The following ZAR1 variants were observed in gnomAD, a reference collection of about 807,000 sequenced individuals.
The protein encoded by ZAR1 is zygote arrest 1.
A neutral mutation model predicts 38.3 loss-of-function variants in ZAR1; 37 were observed. That is an observed-to-expected ratio of 0.97 (90% confidence interval 0.74 to 1.27). The LOEUF (loss-of-function observed/expected upper bound fraction) is 1.27. Ranked by LOEUF, ZAR1 falls within the 50% of genes most tolerant of loss-of-function variation. ZAR1 has a pLI of 0.00. For missense variants in ZAR1, 651 were observed against 632.4 expected (o/e 1.03, Z -0.32); for synonymous variants, 336 against 292.0 (o/e 1.15, Z -1.53).
Position 48,490,627 on chromosome 4 carries a change from G to T in ZAR1, c.336G>T (p.Pro112=). The change falls in exon 1 of 4, where the codon CCG becomes CCT. Residue 112 remains proline (P), a synonymous_variant. Transcript: ENST00000327939. ...GSCDVAVQVS[P]RIDAAVQCSL... ...GCGACGTGGCGGTGCAGGTGAGCCCGCGCATCGACGCCGCGGTACAGTGCT... is the reference window on the plus strand; with the variant it reads ...GCGACGTGGCGGTGCAGGTGAGCCCTCGCATCGACGCCGCGGTACAGTGCT... 2 of 1,358,098 alleles carry T rather than the reference G, an allele frequency of 1.5e-6. No individual in the cohort carries two copies. The highest frequency in any genetic ancestry group is 1.9e-6 in the Non-Finnish European group (2 of 1,065,192). The allele number at this position is 1,358,098 out of a possible 1,614,324, so 84.1% of individuals were successfully genotyped here. A position where few individuals can be genotyped will look rare whatever the true frequency, so the allele number is the denominator to read the frequency against.
At position 48,491,139 on chromosome 4, in the gene ZAR1, A is replaced by G. The variant is rs1718427094; in HGVS notation, c.848A>G (p.Gln283Arg). Reference protein sequence around the residue: ...APRSALRSPGQPPSAGRARDG... With the variant: ...APRSALRSPGRPPSAGRARDG... ...CGGTCGGCGCTAAGGAGCCCGGGGC[A>G]ACCTCCGTCGGCGGGGAGGGCCCGA... The change falls in exon 1 of 4, where the codon CAA (glutamine) becomes CGA (arginine). Residue 283 changes from glutamine to arginine, a missense_variant. Around this residue, in one of 2 missense-constraint regions of ZAR1, gnomAD observed 522 missense variants for 459.9 expected, o/e 1.14. Coordinates refer to ENST00000327939, the MANE Select transcript of ZAR1 (RefSeq NM_175619.3). The G allele has an allele frequency of 8.0e-7, 1 of 1,242,404 alleles. No individual in the cohort carries two copies. 77.0% of individuals were successfully genotyped at this position (1,242,404 alleles called of 1,614,324 possible).
chr4:48,490,944 C>CGCG lies in ZAR1; in HGVS notation c.656_658dup (p.Arg219dup). The CGCG allele has an allele frequency of 7.5e-7, 1 of 1,341,172 alleles. No individual in the cohort carries two copies. Among genetic ancestry groups the CGCG allele is most frequent in the Non-Finnish European group, 9.5e-7 (1 of 1,050,896 alleles). The allele number at this position is 1,341,172 out of a possible 1,614,324, so 83.1% of individuals were successfully genotyped here. A position where few individuals can be genotyped will look rare whatever the true frequency, so the allele number is the denominator to read the frequency against. ...GACGGAGAGAGGGGGCCGCCGCCCG[C>CGCG]GCGGCTTCAAGGCCCAGAGGAGGGG... is the stretch of plus-strand genomic sequence containing the variant. On this transcript the variant is annotated inframe_insertion, in exon 1 of 4. Coordinates refer to ENST00000327939, the MANE Select transcript of ZAR1 (RefSeq NM_175619.3).
chr4:48,493,127 CT>C, intron 3 of ZAR1, 115 bp downstream of exon 3: 1 of 898,230 alleles, frequency 1.1e-6, no homozygotes, highest in South Asian at 1.6e-5. Flanking sequence ...TTTCAACTGG[CT>C]TTTGTTAGGA....
Position 48,494,378 on chromosome 4 carries a change from A to AT in ZAR1, c.*136dup. On this transcript the variant is annotated 3_prime_UTR_variant, in exon 4 of 4. Transcript: ENST00000327939. Reference sequence around the variant, plus strand: ...TCTGAAAAAGCCTTCAAATAAAGGTATTGCAACACGATTTATACATTGCAT... The same window carrying AT: ...TCTGAAAAAGCCTTCAAATAAAGGTATTTGCAACACGATTTATACATTGCAT... The AT allele has an allele frequency of 8.8e-7, 1 of 1,135,766 alleles. No individual in the cohort carries two copies. The highest frequency in any genetic ancestry group is 1.3e-6 in the Non-Finnish European group (1 of 789,940). The allele number at this position is 1,135,766 out of a possible 1,614,324, so 70.4% of individuals were successfully genotyped here. A position where few individuals can be genotyped will look rare whatever the true frequency, so the allele number is the denominator to read the frequency against.
At chr4:48,495,647 A>G (rs1718569434), downstream of ZAR1, among the ~76,000 whole-genome samples, 1 of 152,210 alleles carries the variant, frequency 6.6e-6, no homozygotes, top group African/African-American at 2.4e-5. Flanking sequence ...TTTTATATAA[A>G]TGTAAAACTG....
chr4:48,494,985 A>G (rs1327978782), downstream of ZAR1, among the ~76,000 whole-genome samples: 1 of 151,718 alleles, frequency 6.6e-6, no homozygotes, highest in Non-Finnish European at 1.5e-5. Flanking sequence ...ACACTGAATA[A>G]CCTATCAAGT....
Position 48,490,607 on chromosome 4 carries a change from G to T in ZAR1, c.316G>T (p.Val106Leu). Residue 106 changes from valine (V) to leucine (L), a missense_variant, in exon 1 of 4, where the codon GTG becomes TTG. Physicochemically the swap from Val to Leu is conservative, Grantham distance 32 (BLOSUM62 1). This residue lies in a region of ZAR1 where 522 missense variants were observed against 459.9 expected (regional missense o/e 1.14). Transcript: ENST00000327939. ...CGCCCGCAGGGCCGGCAGCTGCGAC[G>T]TGGCGGTGCAGGTGAGCCCGCGCAT... ...PRARRAGSCD[V>L]AVQVSPRIDA... 7.3e-7 allele frequency: 1 copy of T among 1,376,070 alleles called. No homozygotes were observed. Among genetic ancestry groups the T allele is most frequent in the Non-Finnish European group, 9.3e-7 (1 of 1,075,640 alleles). The allele number at this position is 1,376,070 out of a possible 1,614,324, so 85.2% of individuals were successfully genotyped here.
downstream of ZAR1, among the ~76,000 whole-genome samples, chr4:48,494,819 G>A (rs1418175782): frequency 6.6e-6 from 1 of 152,116 alleles, no homozygotes; most frequent in African/African-American, 2.4e-5. Context: ...GCGGTGATGG[G>A]GTAGGTAAAG....
At chr4:48,494,939 G>A (rs1718545239), downstream of ZAR1, among the ~76,000 whole-genome samples, 1 of 152,188 alleles carries the variant, frequency 6.6e-6, no homozygotes, top group Non-Finnish European at 1.5e-5. Flanking sequence ...GTGGGGCTTG[G>A]AACAGGGTGG....
chr4:48,490,707 G>T lies in ZAR1; in HGVS notation c.416G>T (p.Gly139Val), dbSNP rs763874668. The T allele has an allele frequency of 3.0e-6, 4 of 1,333,720 alleles. No individual in the cohort carries two copies. The highest frequency in any genetic ancestry group is 6.3e-5 in the East Asian group (2 of 31,988). The allele number at this position is 1,333,720 out of a possible 1,614,324, so 82.6% of individuals were successfully genotyped here. A position where few individuals can be genotyped will look rare whatever the true frequency, so the allele number is the denominator to read the frequency against. ...GCCCGCGACCCCGAGTCCCCGGCCGGCCCCGGGGCCGAGGGCACCACGGGT... is the reference window on the plus strand; with the variant it reads ...GCCCGCGACCCCGAGTCCCCGGCCGTCCCCGGGGCCGAGGGCACCACGGGT... ...RRARDPESPA[G>V]PGAEGTTGGG... The change falls in exon 1 of 4, where the codon GGC (glycine) becomes GTC (valine). Residue 139 changes from glycine to valine, a missense_variant. By Grantham distance (109) the Gly-to-Val change is moderately radical. This residue lies in a region of ZAR1 where 522 missense variants were observed against 459.9 expected (regional missense o/e 1.14). Coordinates refer to ENST00000327939, the MANE Select transcript of ZAR1 (RefSeq NM_175619.3).
At chr4:48,495,200 T>C (rs1718552755), downstream of ZAR1, among the ~76,000 whole-genome samples, 1 of 152,180 alleles carries the variant, frequency 6.6e-6, no homozygotes, top group African/African-American at 2.4e-5. Context: ...TGTTCCTAGT[T>C]GAGGATGGGA....
chr4:48,495,168 C>T (rs1718551594), downstream of ZAR1, among the ~76,000 whole-genome samples: 1 of 152,150 alleles, frequency 6.6e-6, no homozygotes, highest in Non-Finnish European at 1.5e-5. Context: ...CTCATGACAA[C>T]ACTGAGGCCC....
intron 3 of ZAR1, 56 bp from the exon 4 acceptor site, chr4:48,494,045 T>C (rs150659138): frequency 0.012 from 18,512 of 1,580,094 alleles, 147 homozygotes; most frequent in South Asian, 0.026. Flanking sequence ...GTTGAAGTCC[T>C]AGGAAATCAC....
rs1331363992 is a variant in ZAR1, at chr4:48,490,725, C to T, written c.434C>T (p.Thr145Ile). The change falls in exon 1 of 4, where the codon ACC becomes ATC. Residue 145 changes from threonine to isoleucine, a missense_variant. Physicochemically the swap from Thr to Ile is moderately conservative, Grantham distance 89. Transcript: ENST00000327939. ...ESPAGPGAEG[T>I]TGGGSFSQQP... is the part of the protein sequence containing the mutation. ...CCGGCCGGCCCCGGGGCCGAGGGCA[C>T]CACGGGTGGCGGCTCTTTCTCCCAG... 2.1e-5 allele frequency: 29 copies of T among 1,363,086 alleles called. No individual in the cohort carries two copies. The highest frequency in any genetic ancestry group is 2.6e-5 in the Non-Finnish European group (28 of 1,061,730). The allele number at this position is 1,363,086 out of a possible 1,614,324, so 84.4% of individuals were successfully genotyped here.
downstream of ZAR1, among the ~76,000 whole-genome samples, chr4:48,495,938 T>C (rs1017043545): frequency 6.6e-6 from 1 of 152,144 alleles, no homozygotes; most frequent in African/African-American, 2.4e-5. Flanking sequence ...AAGGGTGTTT[T>C]AGGCCTTCAT....
At chr4:48,493,196 C>T (rs1289752603) in intron 3 of ZAR1, among the ~76,000 whole-genome samples, 184 bp downstream of exon 3, 1 of 152,168 alleles carries the variant, frequency 6.6e-6, no homozygotes, top group African/African-American at 2.4e-5. Flanking sequence ...TCTTTCTGGC[C>T]TTGCAAATCT....
chr4:48,497,071 C>T (rs1201592666), downstream of ZAR1, among the ~76,000 whole-genome samples: 1 of 152,088 alleles, frequency 6.6e-6, no homozygotes, highest in Non-Finnish European at 1.5e-5. Flanking sequence ...AATAAGAAAT[C>T]CTGTGGTTTT....
chr4:48,492,882 A>G (rs1297906141), intron 2 of ZAR1, 24 bp downstream of exon 2: 9 of 1,613,796 alleles, frequency 5.6e-6, no homozygotes, highest in African/African-American at 1.3e-5. Flanking sequence ...GGTAACTGGC[A>G]TCTTCTTGCT....
downstream of ZAR1, among the ~76,000 whole-genome samples, chr4:48,496,369 G>A (rs1221275001): frequency 2.0e-5 from 3 of 152,204 alleles, no homozygotes; most frequent in African/African-American, 7.2e-5. Context: ...GATACATAAT[G>A]ATGTGATCAA....
Sources: gnomAD v4.1 joint callset for allele counts (sites outside exome capture counted in the v4.1 genomes callset) on GRCh38, gnomAD v4.1.1 for gene constraint, gnomAD v4.1.1 regional missense constraint, MANE v1.5 for transcripts, NCBI Gene and HGNC (gene_info 2026-07-23, HGNC 2026-07-21) for gene names.